The following CFAP299 variants were observed in gnomAD, a reference collection of about 807,000 sequenced individuals.
CFAP299 encodes the protein cilia- and flagella-associated protein 299.
CFAP299 carries 21 observed loss-of-function variants against 27.0 expected under a neutral mutation model. The observed-to-expected ratio is 0.78, with a 90% CI of 0.55 to 1.12. The LOEUF is 1.12. Ranked by LOEUF, CFAP299 falls within the 50% of genes most tolerant of loss-of-function variation. The pLI, the probability that CFAP299 is intolerant of heterozygous loss-of-function variation, is 0.00. For synonymous variants in CFAP299, 104 were observed against 98.1 expected, an observed-to-expected ratio of 1.06 and a Z score of -0.36; for missense variants, 310 against 276.6, an observed-to-expected ratio of 1.12 and a Z score of -0.86.
chr4:80,774,734 G>A (rs1322359562), intron 3 of CFAP299, among the ~76,000 whole-genome samples: 1 of 152,004 alleles, frequency 6.6e-6, no homozygotes, highest in East Asian at 1.9e-4. Flanking sequence ...CACATACATG[G>A]ATGATGCCAT....
chr4:80,717,090 C>T (rs1051960048), intron 3 of CFAP299, among the ~76,000 whole-genome samples: 1 of 152,052 alleles, frequency 6.6e-6, no homozygotes, highest in Non-Finnish European at 1.5e-5. Flanking sequence ...TGGGGCTACA[C>T]CAATGAATAC....
intron 3 of CFAP299, among the ~76,000 whole-genome samples, chr4:80,861,892 T>A (rs1182986590): frequency 5.9e-5 from 9 of 152,138 alleles, no homozygotes; most frequent in Admixed American, 5.9e-4. Context: ...TTTAATTCAC[T>A]CTTTTGGATT....
At chr4:80,740,551 A>G (rs906001842) in intron 3 of CFAP299, among the ~76,000 whole-genome samples, 1 of 152,270 alleles carries the variant, frequency 6.6e-6, no homozygotes, top group South Asian at 2.1e-4. Flanking sequence ...CACCACTGGG[A>G]CTGCACTGGG....
intron 2 of CFAP299, among the ~76,000 whole-genome samples, chr4:80,514,366 G>A (rs1732473000): frequency 6.6e-6 from 1 of 151,946 alleles, no homozygotes; most frequent in African/African-American, 2.4e-5. Context: ...TTAACTAGGA[G>A]GTAGCCAATA....
rs201004440 is a variant in CFAP299, at chr4:80,335,816, A to G, written c.48A>G (p.Gln16=). ...GLKALDNIVT[Q]FNAYEDFLDS... is the part of the protein sequence containing the mutation. ...AGGCCTTGGACAATATTGTCACTCA[A>G]TTCAACGCCTATGAAGATTTCCTGG... Residue 16 remains glutamine (Q), a synonymous_variant, in exon 1 of 6, where the codon CAA becomes CAG. Coordinates refer to ENST00000358105, the MANE Select transcript of CFAP299 (RefSeq NM_152770.3). The G allele has an allele frequency of 2.7e-5, 44 of 1,613,842 alleles. No homozygotes were observed. The Admixed American group carries it at 5.0e-4, about 18-fold the overall frequency.
chr4:80,948,693 T>C (rs898615279), intron 5 of CFAP299, among the ~76,000 whole-genome samples: 153 of 152,058 alleles, frequency 1.0e-3, no homozygotes, highest in African/African-American at 3.6e-3. Flanking sequence ...AATATATATA[T>C]ATTTCTTAGT....
chr4:80,370,867 G>A (rs966524852), intron 2 of CFAP299, among the ~76,000 whole-genome samples: 1 of 152,226 alleles, frequency 6.6e-6, no homozygotes, highest in African/African-American at 2.4e-5. Flanking sequence ...CTGGAGGATG[G>A]TAGCCCTCTT....
intron 2 of CFAP299, among the ~76,000 whole-genome samples, chr4:80,385,113 C>G (rs1724902443): frequency 6.6e-6 from 1 of 152,054 alleles, no homozygotes; most frequent in South Asian, 2.1e-4. Flanking sequence ...AATTAATATC[C>G]ACTCTTTCAG....
chr4:80,355,484 A>G (rs921753088), intron 1 of CFAP299, among the ~76,000 whole-genome samples: 1 of 150,040 alleles, frequency 6.7e-6, no homozygotes, highest in Admixed American at 6.7e-5. Flanking sequence ...CAGCCTCCTG[A>G]GTAGCTGGGA....
At chr4:80,375,540 T>C (rs2110013727) in intron 2 of CFAP299, among the ~76,000 whole-genome samples, 1 of 152,328 alleles carries the variant, frequency 6.6e-6, no homozygotes, top group South Asian at 2.1e-4. Context: ...AGCCTCATCT[T>C]GCTGTTTCAG....
At position 80,438,817 on chromosome 4, in the gene CFAP299, T is replaced by C. The variant is rs149624636; in HGVS notation, c.242+75933T>C. Among the ~76,000 whole-genome samples, 574 of 152,334 alleles carry C rather than the reference T, an allele frequency of 3.8e-3. 3 individuals carry two copies. Among genetic ancestry groups the C allele is most frequent in the African/African-American group, 0.013 (542 of 41,584 alleles). On this transcript the variant is annotated intron_variant, in intron 2 of 5. Coordinates refer to ENST00000358105, the MANE Select transcript of CFAP299 (RefSeq NM_152770.3). ...TAGAATTGGTAAATGTATTAAGTCA[T>C]TCCATACAAGAAAGTGATTTGTCTA...
intron 3 of CFAP299, among the ~76,000 whole-genome samples, chr4:80,735,907 T>C (rs1225532793): frequency 6.6e-6 from 1 of 152,144 alleles, no homozygotes; most frequent in Non-Finnish European, 1.5e-5. Flanking sequence ...CTTTTTTTGA[T>C]GTGTCTTTTT....
chr4:80,553,249 G>A (rs1560621182), intron 2 of CFAP299, among the ~76,000 whole-genome samples: 1 of 152,058 alleles, frequency 6.6e-6, no homozygotes, highest in Non-Finnish European at 1.5e-5. Context: ...GCAGTATTTG[G>A]TTTTCTGTTG....
rs528993472 is a variant in CFAP299 at position 80,600,981 on chromosome 4, A to G, written c.333+17798A>G. On this transcript the variant is annotated intron_variant, in intron 3 of 5. Coordinates refer to ENST00000358105, the MANE Select transcript of CFAP299 (RefSeq NM_152770.3). ...TGATTTAAATGAGATGGAGTAAGTG[A>G]TGTGCTTCATATGGTGTCTGTATTT... 6.6e-5 allele frequency among the ~76,000 whole-genome samples: 10 copies of G among 152,246 alleles called. No homozygotes were observed. The South Asian group carries it at 1.7e-3, about 25-fold the overall frequency.
intron 1 of CFAP299, among the ~76,000 whole-genome samples, chr4:80,348,376 G>T (rs1722849800): frequency 6.6e-6 from 1 of 152,090 alleles, no homozygotes; most frequent in South Asian, 2.1e-4. Context: ...GAAAATTTTT[G>T]CAATCTATCC....
chr4:80,708,696 T>C (rs1276551370), intron 3 of CFAP299, among the ~76,000 whole-genome samples: 1 of 152,062 alleles, frequency 6.6e-6, no homozygotes, highest in Non-Finnish European at 1.5e-5. Flanking sequence ...ATTTTCAGAG[T>C]TGTTATACTA....
chr4:80,373,408 A>ATGAATACTTGCTATGG (rs1724247070), intron 2 of CFAP299, among the ~76,000 whole-genome samples: 1 of 152,146 alleles, frequency 6.6e-6, no homozygotes, highest in African/African-American at 2.4e-5. Flanking sequence ...AATCACTGCA[A>ATGAATACTTGCTATGG]TGAATACTTG....
At chr4:80,509,095 GGC>G (rs1180374969) in intron 2 of CFAP299, among the ~76,000 whole-genome samples, 2 of 152,028 alleles carry the variant, frequency 1.3e-5, no homozygotes, top group Non-Finnish European at 2.9e-5. Context: ...CTAATGAAGG[GGC>G]AGAGAGAAGT....
chr4:80,561,314 A>G (rs1735026013), intron 2 of CFAP299, among the ~76,000 whole-genome samples: 1 of 152,174 alleles, frequency 6.6e-6, no homozygotes, highest in Non-Finnish European at 1.5e-5. Context: ...AAGTCCTTTT[A>G]GATATCTGAA....
Sources: gnomAD v4.1 joint callset for allele counts (sites outside exome capture counted in the v4.1 genomes callset) on GRCh38, gnomAD v4.1.1 for gene constraint, MANE v1.5 for transcripts, NCBI Gene and HGNC (gene_info 2026-07-23, HGNC 2026-07-21) for gene names.